The following TMEM132D variants were observed in gnomAD, a reference collection of about 807,000 sequenced individuals.
The protein encoded by TMEM132D is transmembrane protein 132D.
Under a neutral mutation model 62.3 loss-of-function variants are expected in TMEM132D, and 21 were observed. That is an observed-to-expected ratio of 0.34 (90% CI 0.24 to 0.49). The LOEUF is 0.49. Among genes scored for constraint, TMEM132D ranks in the 20% least tolerant of loss-of-function variants. The probability of loss-of-function intolerance (pLI) is 0.99; values close to 1 mark genes in which losing one functional copy is unlikely to be tolerated. For synonymous variants in TMEM132D, 621 were observed against 575.6 expected (o/e 1.08, Z -1.13); for missense variants, 1,346 against 1,402.8 (o/e 0.96, Z 0.65).
chr12:129,144,900 C>CTCTATCTA lies in TMEM132D; in HGVS notation c.1444-60206_1444-60199dup, dbSNP rs35319395. 6.6e-3 allele frequency among the ~76,000 whole-genome samples: 997 copies of CTCTATCTA among 150,970 alleles called. 9 individuals carry two copies. Among genetic ancestry groups the CTCTATCTA allele is most frequent in the African/African-American group, 0.023 (961 of 41,088 alleles). On this transcript the variant is annotated intron_variant, in intron 5 of 8. Transcript: ENST00000422113. ...TACCATTCACCTATTATCTATCCTG[C>CTCTATCTA]TCTATCTATCTATCTATCTATCTAT... is the stretch of plus-strand genomic sequence containing the variant.
chr12:129,590,394 G>A (rs1371655046), intron 2 of TMEM132D, among the ~76,000 whole-genome samples: 2 of 152,192 alleles, frequency 1.3e-5, no homozygotes, highest in Admixed American at 6.5e-5. Context: ...CATGCAAGGC[G>A]CTTCCTCCTT....
In TMEM132D at chr12:129,371,938, T is replaced by C. The variant is rs146488456; in HGVS notation, c.1116-34121A>G. ...GATGCCAGCATTCTTGTTGTTGTGA[T>C]AGTTAGCATGTGGACCAGTGTGATG... is the stretch of plus-strand genomic sequence containing the variant. On this transcript the variant is annotated intron_variant, in intron 3 of 8. Transcript: ENST00000422113. The surrounding 1 kb of genome is among the most constrained non-coding windows in gnomAD (Gnocchi z 4.3). 2.5e-3 allele frequency among the ~76,000 whole-genome samples: 385 copies of C among 152,322 alleles called. 1 individual carries two copies. Among genetic ancestry groups the C allele is most frequent in the African/African-American group, 8.9e-3 (369 of 41,582 alleles).
intron 5 of TMEM132D, among the ~76,000 whole-genome samples, chr12:129,157,275 T>C (rs1452932237): frequency 6.6e-6 from 1 of 152,196 alleles, no homozygotes; most frequent in Non-Finnish European, 1.5e-5. Context: ...CCTAATCACC[T>C]CTTAAAGGTC....
At chr12:129,696,519 CA>C (rs1167886984) in intron 2 of TMEM132D, among the ~76,000 whole-genome samples, 1 of 152,168 alleles carries the variant, frequency 6.6e-6, no homozygotes, top group Non-Finnish European at 1.5e-5. Context: ...GTTAGGTAAC[CA>C]AGGGAATGCT....
chr12:129,705,165 A>G (rs1881474529), intron 1 of TMEM132D, among the ~76,000 whole-genome samples: 1 of 152,242 alleles, frequency 6.6e-6, no homozygotes, highest in Non-Finnish European at 1.5e-5. Context: ...TAGATGTTCA[A>G]TATTCAGATG....
chr12:129,517,962 T>A (rs1200939479), intron 3 of TMEM132D, among the ~76,000 whole-genome samples: 1 of 152,212 alleles, frequency 6.6e-6, no homozygotes, highest in African/African-American at 2.4e-5. Context: ...AAGATTATTG[T>A]ACAATAGAAT....
chr12:129,425,419 T>TTTC (rs1555254999), intron 3 of TMEM132D, among the ~76,000 whole-genome samples: 23,347 of 151,016 alleles, frequency 0.15, 2,377 homozygotes, highest in Non-Finnish European at 0.23. Flanking sequence ...TTTTTTTTTT[T>TTTC]CTAATCTCTG....
intron 5 of TMEM132D, among the ~76,000 whole-genome samples, chr12:129,093,550 G>A (rs1288564543): frequency 1.3e-5 from 2 of 152,200 alleles, no homozygotes; most frequent in Non-Finnish European, 2.9e-5. Context: ...CAAACAAATG[G>A]AAGAACATCC....
At chr12:129,439,151 C>T (rs1021148131) in intron 3 of TMEM132D, among the ~76,000 whole-genome samples, 2 of 152,164 alleles carry the variant, frequency 1.3e-5, no homozygotes, top group African/African-American at 4.8e-5. Context: ...GCATTTGGGA[C>T]ATTGGGAATT....
At chr12:129,694,185 G>T (rs1211182570) in intron 2 of TMEM132D, among the ~76,000 whole-genome samples, 1 of 152,212 alleles carries the variant, frequency 6.6e-6, no homozygotes, top group Non-Finnish European at 1.5e-5. Context: ...AGCCCTGGAA[G>T]TGAACATCAA....
intron 3 of TMEM132D, among the ~76,000 whole-genome samples, chr12:129,415,172 C>T (rs554080751): frequency 2.6e-5 from 4 of 152,160 alleles, no homozygotes; most frequent in Non-Finnish European, 5.9e-5. Flanking sequence ...ATTTTATCTC[C>T]TTTGGAAGTC....
Position 129,704,010 on chromosome 12 carries a change from G to T in TMEM132D, c.80-3312C>A, listed in dbSNP as rs182068662. Reference sequence around the variant, plus strand: ...GCAAGAATTACTGGGACTCACAAGGGACTCAAATACCTCACATAGAAAACA... The same window carrying T: ...GCAAGAATTACTGGGACTCACAAGGTACTCAAATACCTCACATAGAAAACA... On this transcript the variant is annotated intron_variant, in intron 1 of 8. Coordinates refer to ENST00000422113, the MANE Select transcript of TMEM132D (RefSeq NM_133448.3). 1.9e-4 allele frequency among the ~76,000 whole-genome samples: 29 copies of T among 151,900 alleles called. No individual in the cohort carries two copies. In the East Asian group the frequency reaches 4.5e-3, roughly 23 times the overall value.
At chr12:129,462,893 A>C (rs1873728440) in intron 3 of TMEM132D, among the ~76,000 whole-genome samples, 1 of 152,134 alleles carries the variant, frequency 6.6e-6, no homozygotes, top group Non-Finnish European at 1.5e-5. Flanking sequence ...CGTGTCTCCC[A>C]CTGCTTGTAT....
At chr12:129,712,784 T>A (rs147912724) in intron 1 of TMEM132D, among the ~76,000 whole-genome samples, 1 of 152,202 alleles carries the variant, frequency 6.6e-6, no homozygotes, top group Non-Finnish European at 1.5e-5. Context: ...AGCTGTGGGC[T>A]GCGTCCTCTC....
At chr12:129,826,538 T>C (rs985924608) in intron 1 of TMEM132D, among the ~76,000 whole-genome samples, 2 of 152,180 alleles carry the variant, frequency 1.3e-5, no homozygotes, top group African/African-American at 2.4e-5. Context: ...AAGAGTCTTT[T>C]ATCAAGAAGA....
intron 6 of TMEM132D, 112 bp downstream of exon 6, chr12:129,084,385 G>T: frequency 9.4e-7 from 1 of 1,065,746 alleles, no homozygotes; most frequent in Non-Finnish European, 1.3e-6. Flanking sequence ...AGCGGTGGAG[G>T]GAGGCTTGGT....
intron 5 of TMEM132D, among the ~76,000 whole-genome samples, chr12:129,134,148 CTGTGTCTGTGTGTGTG>C: frequency 8.5e-6 from 1 of 117,574 alleles, no homozygotes; most frequent in Non-Finnish European, 1.7e-5. Flanking sequence ...GTGTGTGTGT[CTGTGTCTGTGTGTGTG>C]TCTGTGTGTG....
chr12:129,547,601 A>G (rs75073608), intron 2 of TMEM132D, among the ~76,000 whole-genome samples: 2 of 152,264 alleles, frequency 1.3e-5, no homozygotes, highest in East Asian at 3.9e-4. Flanking sequence ...GCAGACTTTC[A>G]TGGATGCCAT....
At chr12:129,544,618 T>C (rs989427858) in intron 2 of TMEM132D, among the ~76,000 whole-genome samples, 2 of 152,226 alleles carry the variant, frequency 1.3e-5, no homozygotes, top group Admixed American at 1.3e-4. Flanking sequence ...TATTGCTTCA[T>C]TTTCAGGAAT....
Sources: gnomAD v4.1 joint callset for allele counts (sites outside exome capture counted in the v4.1 genomes callset) on GRCh38, gnomAD v4.1.1 for gene constraint, Gnocchi (gnomAD v3.1) non-coding constraint, MANE v1.5 for transcripts, NCBI Gene and HGNC (gene_info 2026-07-23, HGNC 2026-07-21) for gene names.